The following SIPA1L1 variants were observed in gnomAD, a reference collection of about 807,000 sequenced individuals.
The protein encoded by SIPA1L1 is signal induced proliferation associated 1 like 1.
SIPA1L1 carries 26 observed loss-of-function variants against 162.7 expected under a neutral mutation model. That is an observed-to-expected ratio of 0.16 (90% CI 0.12 to 0.22). SIPA1L1 has a LOEUF of 0.22. SIPA1L1 is among the 10% of genes least tolerant of loss of function. SIPA1L1 has a pLI of 1.00. For missense variants in SIPA1L1, 1,874 were observed against 2,241.0 expected, an observed-to-expected ratio of 0.84 and a Z score of 3.31; for synonymous variants, 829 against 837.4, an observed-to-expected ratio of 0.99 and a Z score of 0.17.
intron 11 of SIPA1L1, 59 bp from the exon 12 acceptor site, chr14:71,672,289 T>C: frequency 1.3e-6 from 2 of 1,549,584 alleles, no homozygotes; most frequent in Non-Finnish European, 1.8e-6. Context: ...TCCAGTTCCA[T>C]GTCCACCACT....
At chr14:71,362,066 G>A (rs1375274118) in intron 2 of SIPA1L1, among the ~76,000 whole-genome samples, 1 of 152,192 alleles carries the variant, frequency 6.6e-6, no homozygotes, top group East Asian at 1.9e-4. Context: ...GGTCTCTGTT[G>A]GCGGCCCGTC....
intron 16 of SIPA1L1, 73 bp from the exon 17 acceptor site, chr14:71,709,149 C>T (rs974949908): frequency 1.2e-5 from 15 of 1,251,714 alleles, no homozygotes; most frequent in Non-Finnish European, 1.5e-5. Context: ...AAATTAATCA[C>T]AGTGTCATTT....
At chr14:71,612,705 A>G (rs2038372578) in intron 5 of SIPA1L1, among the ~76,000 whole-genome samples, 1 of 152,172 alleles carries the variant, frequency 6.6e-6, no homozygotes, top group Non-Finnish European at 1.5e-5. Flanking sequence ...CTTCACAAGT[A>G]AAACACCAAG....
At chr14:71,630,221 G>A (rs2040432666) in intron 7 of SIPA1L1, among the ~76,000 whole-genome samples, 1 of 152,198 alleles carries the variant, frequency 6.6e-6, no homozygotes, top group Admixed American at 6.5e-5. Context: ...TTTTCAGGAA[G>A]GAGATATCCA....
At chr14:71,671,071 T>G in intron 10 of SIPA1L1, 48 bp from the exon 11 acceptor site, 2 of 1,415,192 alleles carry the variant, frequency 1.4e-6, no homozygotes, top group Non-Finnish European at 1.9e-6. Context: ...TCTGATGTTG[T>G]GAGACTGAGA....
chr14:71,695,623 C>T (rs928313819), intron 13 of SIPA1L1, among the ~76,000 whole-genome samples: 5 of 152,202 alleles, frequency 3.3e-5, no homozygotes, highest in African/African-American at 1.2e-4. Context: ...ATATACTTCA[C>T]TGGCATTGCT....
At chr14:71,344,294 C>T (rs2035938895) in intron 2 of SIPA1L1, among the ~76,000 whole-genome samples, 1 of 152,168 alleles carries the variant, frequency 6.6e-6, no homozygotes, top group African/African-American at 2.4e-5. Context: ...CAGACAATTC[C>T]TCAACCTCTT....
intron 2 of SIPA1L1, among the ~76,000 whole-genome samples, chr14:71,480,703 A>G (rs905291513): frequency 6.6e-6 from 1 of 152,128 alleles, no homozygotes; most frequent in African/African-American, 2.4e-5. Flanking sequence ...CGGAGTTTGA[A>G]GTGAGCCAAG....
intron 4 of SIPA1L1, among the ~76,000 whole-genome samples, chr14:71,544,300 A>ATG (rs559584930): frequency 2.0e-5 from 3 of 148,688 alleles, no homozygotes; most frequent in Non-Finnish European, 4.5e-5. Flanking sequence ...CATATATATC[A>ATG]TGTGTGTATA....
chr14:71,468,247 G>A (rs150010305), intron 2 of SIPA1L1, among the ~76,000 whole-genome samples: 2 of 152,322 alleles, frequency 1.3e-5, no homozygotes, highest in Non-Finnish European at 2.9e-5. Context: ...ATTTAAATAA[G>A]TACCCAAATG....
intron 2 of SIPA1L1, among the ~76,000 whole-genome samples, chr14:71,491,577 C>G (rs1455462516): frequency 6.6e-6 from 1 of 151,840 alleles, no homozygotes; most frequent in Admixed American, 6.6e-5. Context: ...TTCTGTCGTC[C>G]AGACTGGAGT....
chr14:71,715,147 G>A (rs1031911156), intron 17 of SIPA1L1, among the ~76,000 whole-genome samples: 4 of 152,308 alleles, frequency 2.6e-5, no homozygotes, highest in Non-Finnish European at 5.9e-5. Context: ...GGAAAATTTG[G>A]TATAGCTCTC....
At chr14:71,485,051 A>T (rs984488260) in intron 2 of SIPA1L1, among the ~76,000 whole-genome samples, 1 of 152,220 alleles carries the variant, frequency 6.6e-6, no homozygotes, top group Non-Finnish European at 1.5e-5. Flanking sequence ...TTCGTTGCCC[A>T]TGATCCTTTA....
At chr14:71,722,583 T>C (rs1351653326) in intron 17 of SIPA1L1, among the ~76,000 whole-genome samples, 1 of 152,168 alleles carries the variant, frequency 6.6e-6, no homozygotes, top group Non-Finnish European at 1.5e-5. Flanking sequence ...GCAGGAAGTA[T>C]GAAAATCCTA....
At chr14:71,616,797 G>A (rs1297147311) in intron 5 of SIPA1L1, among the ~76,000 whole-genome samples, 4 of 152,142 alleles carry the variant, frequency 2.6e-5, no homozygotes, top group Non-Finnish European at 4.4e-5. Flanking sequence ...CTGGAGAAAC[G>A]GAGAGAGTTG....
intron 2 of SIPA1L1, among the ~76,000 whole-genome samples, chr14:71,504,880 A>G (rs1428208470): frequency 6.6e-6 from 1 of 152,142 alleles, no homozygotes; most frequent in African/African-American, 2.4e-5. Context: ...GCTGTTGGAG[A>G]CGTGTTCTAA....
At chr14:71,494,519 T>A (rs2143013840) in intron 2 of SIPA1L1, among the ~76,000 whole-genome samples, 1 of 150,830 alleles carries the variant, frequency 6.6e-6, no homozygotes, top group Non-Finnish European at 1.5e-5. Flanking sequence ...TTTTCTTTTC[T>A]TTTCTTTTTT....
intron 19 of SIPA1L1, among the ~76,000 whole-genome samples, chr14:71,725,309 A>G (rs762523471): frequency 2.6e-5 from 4 of 152,220 alleles, no homozygotes; most frequent in Admixed American, 6.5e-5. Flanking sequence ...CTCTTCACTC[A>G]GAGAAACTGC....
Position 71,650,448 on chromosome 14 carries a change from A to G in SIPA1L1, c.1932A>G (p.Leu644=). ...AGPAFEEFLQ[L]LGERVRLKGF... ...CAGCCTTTGAAGAATTTCTTCAACTATTGGGAGAGCGAGTTCGGCTCAAAG... is the reference window on the plus strand; with the variant it reads ...CAGCCTTTGAAGAATTTCTTCAACTGTTGGGAGAGCGAGTTCGGCTCAAAG... Residue 644 remains leucine (L), a synonymous_variant, in exon 8 of 24, where the codon CTA becomes CTG. Coordinates refer to ENST00000381232, the MANE Select transcript of SIPA1L1 (RefSeq NM_001386936.1). 1 of 1,614,014 alleles carries G rather than the reference A, an allele frequency of 6.2e-7. No individual in the cohort carries two copies.
Sources: allele counts gnomAD v4.1 joint callset (sites outside exome capture counted in the v4.1 genomes callset), GRCh38; gene constraint gnomAD v4.1.1; transcripts MANE v1.5; gene names NCBI Gene and HGNC (gene_info 2026-07-23, HGNC 2026-07-21).